PCDH9: variants seen among roughly 807,000 people sequenced by gnomAD.
PCDH9 encodes protocadherin 9, also known as protocadherin-9.
A neutral mutation model predicts 70.6 loss-of-function variants in PCDH9; 24 were observed. That is an observed-to-expected ratio of 0.34 (90% CI 0.25 to 0.48). The LOEUF (loss-of-function observed/expected upper bound fraction) is 0.48. Ranked by LOEUF, PCDH9 falls within the 20% of genes least tolerant of loss-of-function variation. The probability of loss-of-function intolerance (pLI) is 0.99; values close to 1 mark genes in which losing one functional copy is unlikely to be tolerated. For missense variants in PCDH9, 1,281 were observed against 1,503.6 expected (o/e 0.85, Z 2.45); for synonymous variants, 562 against 558.5 (o/e 1.01, Z -0.09).
chr13:66,946,167 T>A (rs2083084801), intron 2 of PCDH9, among the ~76,000 whole-genome samples: 1 of 152,168 alleles, frequency 6.6e-6, no homozygotes, highest in South Asian at 2.1e-4. Flanking sequence ...CCTATTTTTA[T>A]TGAGTGTTTA....
intron 3 of PCDH9, among the ~76,000 whole-genome samples, chr13:66,860,523 A>G (rs1194134426): frequency 6.6e-6 from 1 of 152,226 alleles, no homozygotes; most frequent in East Asian, 1.9e-4. Context: ...CAAATTCCAA[A>G]GCTGTCAGCT....
chr13:66,531,922 G>A, intron 4 of PCDH9, among the ~76,000 whole-genome samples: 1 of 152,108 alleles, frequency 6.6e-6, no homozygotes, highest in South Asian at 2.1e-4. Flanking sequence ...CCTATAAAAT[G>A]AGGAGAATAT....
chr13:66,472,381 G>A (rs1566352154), intron 4 of PCDH9, among the ~76,000 whole-genome samples: 2 of 25,150 alleles, frequency 8.0e-5, no homozygotes, highest in African/African-American at 1.8e-4. Flanking sequence ...ACCAGCCTGG[G>A]CAACTTGGCA....
At chr13:66,461,973 G>A (rs1443712447) in intron 4 of PCDH9, among the ~76,000 whole-genome samples, 1 of 151,702 alleles carries the variant, frequency 6.6e-6, no homozygotes, top group Non-Finnish European at 1.5e-5. Flanking sequence ...TTAATGACTT[G>A]TATTTATTGA....
chr13:66,801,387 A>G (rs560039138), intron 3 of PCDH9, among the ~76,000 whole-genome samples: 1 of 152,222 alleles, frequency 6.6e-6, no homozygotes, highest in Non-Finnish European at 1.5e-5. Flanking sequence ...AGGTCAGAGA[A>G]TCAAATGCTC....
chr13:66,880,967 C>T (rs1166331415), intron 3 of PCDH9, among the ~76,000 whole-genome samples: 1 of 152,146 alleles, frequency 6.6e-6, no homozygotes, highest in Non-Finnish European at 1.5e-5. Context: ...ATTACTACAC[C>T]TTTTACACCT....
intron 3 of PCDH9, among the ~76,000 whole-genome samples, chr13:66,765,617 A>G (rs566793809): frequency 1.3e-3 from 195 of 152,228 alleles, no homozygotes; most frequent in Non-Finnish European, 2.4e-3. Flanking sequence ...TCTGGTTTAC[A>G]AAGTAATTTA....
intron 2 of PCDH9, among the ~76,000 whole-genome samples, chr13:67,139,778 G>A (rs1419762443): frequency 6.6e-6 from 1 of 152,114 alleles, no homozygotes; most frequent in Non-Finnish European, 1.5e-5. Context: ...CTCTGCATAT[G>A]AACCCTTGAA....
chr13:66,889,740 C>A (rs2082065524), intron 3 of PCDH9, among the ~76,000 whole-genome samples: 3 of 152,132 alleles, frequency 2.0e-5, no homozygotes, highest in South Asian at 2.1e-4. Flanking sequence ...AAATACAGAA[C>A]CTCTCTTTTC....
At chr13:66,775,338 T>C (rs543562504) in intron 3 of PCDH9, among the ~76,000 whole-genome samples, 2 of 152,326 alleles carry the variant, frequency 1.3e-5, no homozygotes, top group African/African-American at 4.8e-5. Context: ...AAAACAAGGC[T>C]TTGTTAATAA....
At chr13:66,645,829 C>T (rs1222532661) in intron 3 of PCDH9, among the ~76,000 whole-genome samples, 1 of 151,982 alleles carries the variant, frequency 6.6e-6, no homozygotes, top group African/African-American at 2.4e-5. Flanking sequence ...AGAATAGAAC[C>T]AGTAATTACA....
At chr13:67,185,300 AATC>A (rs560815718) in intron 2 of PCDH9, among the ~76,000 whole-genome samples, 9 of 152,194 alleles carry the variant, frequency 5.9e-5, no homozygotes, top group South Asian at 2.1e-4. Flanking sequence ...AGTAGTTAAA[AATC>A]ATCATCAACT....
chr13:66,390,573 T>C (rs1057403013), intron 4 of PCDH9, among the ~76,000 whole-genome samples: 3 of 151,924 alleles, frequency 2.0e-5, no homozygotes, highest in Admixed American at 2.0e-4. Flanking sequence ...CCATCTATAC[T>C]AAAAATACAA....
At chr13:66,746,503 GAGAA>G (rs1353755704) in intron 3 of PCDH9, among the ~76,000 whole-genome samples, 7 of 151,926 alleles carry the variant, frequency 4.6e-5, no homozygotes, top group Non-Finnish European at 7.4e-5. Context: ...ACAATAAAGA[GAGAA>G]AGAAAGAAAG....
intron 3 of PCDH9, among the ~76,000 whole-genome samples, chr13:66,743,418 G>A (rs1156656095): frequency 6.6e-4 from 96 of 146,374 alleles, no homozygotes; most frequent in African/African-American, 1.9e-3. Context: ...TGGGTGCAGC[G>A]CACCAGCATG....
At chr13:66,427,477 T>C (rs918304602) in intron 4 of PCDH9, among the ~76,000 whole-genome samples, 10 of 151,776 alleles carry the variant, frequency 6.6e-5, no homozygotes, top group African/African-American at 2.4e-4. Context: ...CTGGTTTACA[T>C]AGACATGTGT....
At chr13:66,948,942 A>C (rs903173331) in intron 2 of PCDH9, among the ~76,000 whole-genome samples, 1 of 152,120 alleles carries the variant, frequency 6.6e-6, no homozygotes, top group Non-Finnish European at 1.5e-5. Flanking sequence ...CTATTTTTGC[A>C]TAGAAAATTA....
At chr13:67,021,141 A>G (rs1594401502) in intron 2 of PCDH9, among the ~76,000 whole-genome samples, 1 of 152,158 alleles carries the variant, frequency 6.6e-6, no homozygotes, top group Non-Finnish European at 1.5e-5. Context: ...CAACTCATCC[A>G]TAAGTTACCC....
chr13:67,053,958 T>A (rs2085370973), intron 2 of PCDH9, among the ~76,000 whole-genome samples: 1 of 152,052 alleles, frequency 6.6e-6, no homozygotes, highest in African/African-American at 2.4e-5. Flanking sequence ...TGAAAGTGAG[T>A]TCTCTATTAT....
Sources: allele counts gnomAD v4.1 joint callset (sites outside exome capture counted in the v4.1 genomes callset), GRCh38; gene constraint gnomAD v4.1.1; transcripts MANE v1.5; gene names NCBI Gene and HGNC (gene_info 2026-07-23, HGNC 2026-07-21).